Variants in CCNY observed in about 807,000 individuals in gnomAD.
CCNY encodes the protein cyclin-Y.
CCNY carries 19 observed loss-of-function variants against 42.8 expected under a neutral mutation model. The observed-to-expected ratio is 0.44, with a 90% CI of 0.31 to 0.65. The LOEUF is 0.65. CCNY is among the 30% of genes least tolerant of loss of function. CCNY has a pLI of 0.07. For missense variants in CCNY, 370 were observed against 437.3 expected, an observed-to-expected ratio of 0.85 and a Z score of 1.37; for synonymous variants, 165 against 162.7, an observed-to-expected ratio of 1.01 and a Z score of -0.11.
At chr10:35,337,629 A>G (rs1836076669) in intron 1 of CCNY, among the ~76,000 whole-genome samples, 2 of 152,150 alleles carry the variant, frequency 1.3e-5, no homozygotes, top group East Asian at 1.9e-4. Flanking sequence ...GTGGATTCCC[A>G]TTTTGGAATC....
chr10:35,279,457 C>T (rs902579538), intron 3 of CCNY, among the ~76,000 whole-genome samples: 2 of 152,194 alleles, frequency 1.3e-5, no homozygotes, highest in Admixed American at 1.3e-4. Flanking sequence ...AAAGGGCTCG[C>T]TTGGAGGGAA....
chr10:35,395,355 C>T (rs1837500640), intron 1 of CCNY, among the ~76,000 whole-genome samples: 2 of 152,266 alleles, frequency 1.3e-5, no homozygotes, highest in African/African-American at 4.8e-5. Flanking sequence ...CAGTATAAAA[C>T]CAGGCTCAAT....
chr10:35,568,991 AC>A, intron 9 of CCNY, 62 bp from the exon 10 acceptor site: 1 of 1,087,580 alleles, frequency 9.2e-7, no homozygotes, highest in Non-Finnish European at 1.4e-6. Context: ...GGCGCCCAGG[AC>A]GAGTGAGCAA....
chr10:35,541,796 C>G (rs1281002354), intron 7 of CCNY, among the ~76,000 whole-genome samples: 1 of 148,904 alleles, frequency 6.7e-6, no homozygotes, highest in African/African-American at 2.5e-5. Flanking sequence ...AAGACACCAT[C>G]TTGTATCTAG....
intron 1 of CCNY, among the ~76,000 whole-genome samples, chr10:35,350,992 TG>T (rs1356449502): frequency 6.6e-6 from 1 of 152,196 alleles, no homozygotes; most frequent in Non-Finnish European, 1.5e-5. Flanking sequence ...TTCTTGAAAT[TG>T]AAGGTGCCTT....
At chr10:35,303,010 A>G (rs938650922) in intron 3 of CCNY, among the ~76,000 whole-genome samples, 2 of 152,110 alleles carry the variant, frequency 1.3e-5, no homozygotes, top group African/African-American at 4.8e-5. Context: ...AGCTTGGGAA[A>G]CATAGTGAGA....
chr10:35,408,129 A>G (rs1370494894), intron 1 of CCNY, among the ~76,000 whole-genome samples: 1 of 152,178 alleles, frequency 6.6e-6, no homozygotes, highest in Non-Finnish European at 1.5e-5. Flanking sequence ...GTTGGAGAAG[A>G]GAGTAAAAAG....
chr10:35,372,532 A>T (rs1836960067), intron 1 of CCNY, among the ~76,000 whole-genome samples: 1 of 151,508 alleles, frequency 6.6e-6, no homozygotes, highest in Non-Finnish European at 1.5e-5. Context: ...TCTCTATTCC[A>T]CTTGTCATTC....
chr10:35,467,808 T>A (rs1839301798), intron 1 of CCNY, among the ~76,000 whole-genome samples: 1 of 152,200 alleles, frequency 6.6e-6, no homozygotes. Context: ...GATTAAGATT[T>A]GCTGAGAGTT....
chr10:35,414,954 A>G (rs3003983), intron 1 of CCNY, among the ~76,000 whole-genome samples: 12,441 of 152,200 alleles, frequency 0.082, 938 homozygotes, highest in African/African-American at 0.2. Flanking sequence ...AGGATGCAAA[A>G]ACTTAGTTCC....
intron 2 of CCNY, among the ~76,000 whole-genome samples, chr10:35,498,699 C>T (rs1004788455): frequency 2.6e-4 from 40 of 152,232 alleles, no homozygotes; most frequent in African/African-American, 9.4e-4. Context: ...GGTTTGGGGG[C>T]GCGGAAGACG....
At chr10:35,368,319 GA>G (rs1320526793) in intron 1 of CCNY, among the ~76,000 whole-genome samples, 21 of 152,312 alleles carry the variant, frequency 1.4e-4, no homozygotes, top group Non-Finnish European at 1.3e-4. Flanking sequence ...TTCATTTGCA[GA>G]AACTGCTTTG....
intron 3 of CCNY, among the ~76,000 whole-genome samples, chr10:35,270,306 T>C (rs923553299): frequency 3.0e-4 from 46 of 152,084 alleles, no homozygotes; most frequent in Non-Finnish European, 6.6e-4. Flanking sequence ...CTCCTCTTAA[T>C]AGTGTTGCAT....
chr10:35,292,449 C>T (rs180955682), intron 3 of CCNY, among the ~76,000 whole-genome samples: 206 of 152,206 alleles, frequency 1.4e-3, no homozygotes, highest in Non-Finnish European at 2.4e-3. Flanking sequence ...CTGCAACCTG[C>T]ACCTCCTGGG....
rs966753761 is a variant in CCNY at position 35,337,158 on chromosome 10, G to A, written c.105G>A (p.Glu35=). The change falls in exon 1 of 10, where the codon GAG becomes GAA. Residue 35 remains glutamate (E), a synonymous_variant. Coordinates refer to ENST00000374704, the MANE Select transcript of CCNY (RefSeq NM_145012.6). ...GGCCAGACACGGACCTGAGCCGCGA[G>A]GACACGGGCTGCAACCTGCAGCACA... ...SYRPDTDLSR[E]DTGCNLQHIS... The A allele has an allele frequency of 2.3e-5, 37 of 1,581,422 alleles. No homozygotes were observed. Among genetic ancestry groups the A allele is most frequent in the Non-Finnish European group, 2.3e-5 (27 of 1,166,228 alleles).
chr10:35,566,975 G>C (rs975293199), intron 9 of CCNY, among the ~76,000 whole-genome samples: 1 of 152,114 alleles, frequency 6.6e-6, no homozygotes, highest in Non-Finnish European at 1.5e-5. Flanking sequence ...GCCTCCTAAA[G>C]TGCTGGTATT....
chr10:35,336,510 T>A lies in CCNY; in HGVS notation c.-544T>A, dbSNP rs1248909919. The A allele has an allele frequency of 6.7e-6, 1 of 148,756 alleles. No homozygotes were observed. The highest frequency in any genetic ancestry group is 1.5e-5 in the Non-Finnish European group (1 of 67,010). 9.2% of individuals were successfully genotyped at this position (148,756 alleles called of 1,614,324 possible). On this transcript the variant is annotated 5_prime_UTR_variant, in exon 1 of 10. Coordinates refer to ENST00000374704, the MANE Select transcript of CCNY (RefSeq NM_145012.6). ...CGCTGGCGAGGGAGGGCCGCCAGCA[T>A]CCTCCCTGGCCGCGCCGCACCGCGC... is the stretch of plus-strand genomic sequence containing the variant.
chr10:35,535,260 A>G (rs568205772), intron 7 of CCNY, among the ~76,000 whole-genome samples: 162 of 152,178 alleles, frequency 1.1e-3, no homozygotes, highest in Middle Eastern at 6.8e-3. Context: ...TGCTTGACTT[A>G]GAGCAGGCCT....
Position 35,295,808 on chromosome 10 carries a change from G to A in CCNY, c.-9+45182G>A, listed in dbSNP as rs568141104. 9.9e-5 allele frequency among the ~76,000 whole-genome samples: 15 copies of A among 152,022 alleles called. No homozygotes were observed. In the South Asian group the frequency reaches 2.9e-3, roughly 29 times the overall value. The stretch of plus-strand genomic sequence containing the variant: ...TCAAAGTTCATCCATATCATATCAC[G>A]TGTCAAAACTTCATTTCTTTTTAAG... On this transcript the variant is annotated intron_variant, in intron 3 of 11. Coordinates refer to the CCNY transcript ENST00000374706.
Sources: allele counts gnomAD v4.1 joint callset (sites outside exome capture counted in the v4.1 genomes callset), GRCh38; gene constraint gnomAD v4.1.1; transcripts MANE v1.5; gene names NCBI Gene and HGNC (gene_info 2026-07-23, HGNC 2026-07-21).